CHD5: variants seen among roughly 807,000 people sequenced by gnomAD.
The protein encoded by CHD5 is chromodomain helicase DNA binding protein 5.
A neutral mutation model predicts 230.3 loss-of-function variants in CHD5; 69 were observed. The observed-to-expected ratio is 0.30, with a 90% CI of 0.25 to 0.37. CHD5 has a LOEUF of 0.37. CHD5 is among the 10% of genes least tolerant of loss of function. The probability of loss-of-function intolerance (pLI) is 1.00; values close to 1 mark genes in which losing one functional copy is unlikely to be tolerated. For synonymous variants in CHD5, 1,064 were observed against 1,065.9 expected, an observed-to-expected ratio of 1.00 and a Z score of 0.03; for missense variants, 1,827 against 2,622.8, an observed-to-expected ratio of 0.70 and a Z score of 6.63.
intron 6 of CHD5, 77 bp downstream of exon 6, chr1:6,152,335 G>A (rs777775646): frequency 1.3e-5 from 20 of 1,523,426 alleles, no homozygotes; most frequent in South Asian, 1.2e-4. Flanking sequence ...GAAGGCCCTC[G>A]CCTGGCCCTT....
At chr1:6,169,381 G>A (rs1667302262) in intron 1 of CHD5, among the ~76,000 whole-genome samples, 1 of 152,230 alleles carries the variant, frequency 6.6e-6, no homozygotes, top group South Asian at 2.1e-4. Context: ...TCGAAAGGCC[G>A]AGGGGGCCCT....
rs1667270671 is a variant in CHD5, at chr1:6,167,274, C to A, written c.207+876G>T. 6.6e-6 allele frequency among the ~76,000 whole-genome samples: 1 copy of A among 152,196 alleles called. No homozygotes were observed. ...ACAGCCCTGGATTCAGATCTCAGCA[C>A]CACCACTGTGTCACTGTGTGACCTT... On this transcript the variant is annotated intron_variant, in intron 2 of 41. Coordinates refer to ENST00000262450, the MANE Select transcript of CHD5 (RefSeq NM_015557.3). The surrounding 1 kb of genome is among the most constrained non-coding windows in gnomAD (Gnocchi z 4.5).
rs191222474 is a variant in CHD5 at position 6,121,401 on chromosome 1, G to A, written c.4779+93C>T. 1 of 1,482,228 alleles carries A rather than the reference G, an allele frequency of 6.7e-7. No homozygotes were observed. Among genetic ancestry groups the A allele is most frequent in the Admixed American group, 1.9e-5 (1 of 53,614 alleles). 91.8% of individuals were successfully genotyped at this position (1,482,228 alleles called of 1,614,324 possible). A position where few individuals can be genotyped will look rare whatever the true frequency, so the allele number is the denominator to read the frequency against. Reference sequence around the variant, plus strand: ...CCCGAAAAGGGAGCCAGGAGGCCTGGGTTCCACCTCGCTGTACAGGGCCTG... The same window carrying A: ...CCCGAAAAGGGAGCCAGGAGGCCTGAGTTCCACCTCGCTGTACAGGGCCTG... On this transcript the variant is annotated intron_variant, in intron 32 of 41. Coordinates refer to ENST00000262450, the MANE Select transcript of CHD5 (RefSeq NM_015557.3). This position sits in a 1 kb window ranked among gnomAD's most constrained non-coding sequence, Gnocchi z 4.5.
chr1:6,175,874 A>G (rs1037600872), intron 1 of CHD5, among the ~76,000 whole-genome samples: 1 of 151,912 alleles, frequency 6.6e-6, no homozygotes, highest in Non-Finnish European at 1.5e-5. Flanking sequence ...CGAATAGTGC[A>G]TGGATGAATA....
intron 2 of CHD5, among the ~76,000 whole-genome samples, chr1:6,161,560 C>T (rs147393449): frequency 5.3e-5 from 8 of 152,336 alleles, no homozygotes; most frequent in African/African-American, 1.4e-4. Flanking sequence ...CGGGTGTTTC[C>T]GGGAATACTG....
At chr1:6,112,119 C>T in intron 35 of CHD5, 21 bp downstream of exon 35, 4 of 1,610,138 alleles carry the variant, frequency 2.5e-6, no homozygotes, top group Non-Finnish European at 3.4e-6. Context: ...CAGCTCTCTG[C>T]CCAACCCCCA....
At chr1:6,115,152 A>T (rs1190495446) in intron 33 of CHD5, among the ~76,000 whole-genome samples, 1 of 151,954 alleles carries the variant, frequency 6.6e-6, no homozygotes, top group African/African-American at 2.4e-5. Flanking sequence ...CTCTACTAAA[A>T]ATACAAAAAA....
At chr1:6,117,378 T>C (rs1272070529) in intron 33 of CHD5, among the ~76,000 whole-genome samples, 1 of 152,124 alleles carries the variant, frequency 6.6e-6, no homozygotes, top group Non-Finnish European at 1.5e-5. Flanking sequence ...AGAAAATATT[T>C]GTAAATCATA....
chr1:6,171,931 T>C (rs1202219496), intron 1 of CHD5, among the ~76,000 whole-genome samples: 3 of 152,262 alleles, frequency 2.0e-5, no homozygotes. Context: ...CTCCAGGGCC[T>C]GAGGCTCCAC....
chr1:6,166,967 C>G (rs895901885), intron 2 of CHD5, among the ~76,000 whole-genome samples: 1 of 152,174 alleles, frequency 6.6e-6, no homozygotes, highest in Non-Finnish European at 1.5e-5. Context: ...GACAAGCTCC[C>G]CAAACCCACC....
In CHD5 at chr1:6,144,007, G is replaced by C; in HGVS notation, c.1934+17C>G. 2 of 1,614,104 alleles carry C rather than the reference G, an allele frequency of 1.2e-6. No homozygotes were observed. Among genetic ancestry groups the C allele is most frequent in the Admixed American group, 3.3e-5 (2 of 60,024 alleles). ...TCCCGGCAGCCTGTGCCTAGCAGCC[G>C]GATCCCTGCGACCCACCTGTGGCCC... On this transcript the variant is annotated intron_variant, in intron 12 of 41. Coordinates refer to ENST00000262450, the MANE Select transcript of CHD5 (RefSeq NM_015557.3).
chr1:6,143,488 CAG>C (rs1378076133), intron 13 of CHD5, among the ~76,000 whole-genome samples: 2 of 151,776 alleles, frequency 1.3e-5, no homozygotes, highest in Non-Finnish European at 2.9e-5. Context: ...CCCTAGAAGA[CAG>C]TGTGTCTTCT....
intron 3 of CHD5, among the ~76,000 whole-genome samples, chr1:6,158,964 G>A (rs796358321): frequency 3.4e-4 from 42 of 122,238 alleles, no homozygotes; most frequent in African/African-American, 1.1e-3. Flanking sequence ...CCGAGATCCC[G>A]CCACTGCACT....
At chr1:6,171,299 A>G (rs1667334848) in intron 1 of CHD5, among the ~76,000 whole-genome samples, 1 of 152,064 alleles carries the variant, frequency 6.6e-6, no homozygotes, top group Non-Finnish European at 1.5e-5. Context: ...CCCTCTGCCC[A>G]TGGACAGACC....
At chr1:6,164,333 G>A (rs1400550207) in intron 2 of CHD5, among the ~76,000 whole-genome samples, 1 of 152,218 alleles carries the variant, frequency 6.6e-6, no homozygotes, top group Non-Finnish European at 1.5e-5. Context: ...CCATTCACGA[G>A]TGTTATAAAC....
intron 33 of CHD5, chr1:6,113,511 A>G (rs1267659467): frequency 3.6e-5 from 9 of 247,948 alleles, no homozygotes; most frequent in Non-Finnish European, 7.5e-5. Flanking sequence ...GAAGGTGAGG[A>G]AGCAGGAGCT....
chr1:6,137,483 T>A (rs1336312381), intron 15 of CHD5, among the ~76,000 whole-genome samples: 2 of 151,982 alleles, frequency 1.3e-5, no homozygotes, highest in African/African-American at 4.8e-5. Flanking sequence ...GTGTCCTTTA[T>A]CCCCCACTCC....
At position 6,106,568 on chromosome 1, in the gene CHD5, A is replaced by AGGG. The variant is rs749918413; in HGVS notation, c.5742+45_5742+47dup. On this transcript the variant is annotated intron_variant, in intron 39 of 41. Coordinates refer to ENST00000262450, the MANE Select transcript of CHD5 (RefSeq NM_015557.3). ...CAGGCCCCCCACCCAGCCTCCACCC[A>AGGG]GGGGCACGCCAGGGGGCTCGGGCCG... The AGGG allele has an allele frequency of 1.2e-5, 18 of 1,550,842 alleles. No homozygotes were observed. The African/African-American group carries it at 2.3e-4, about 20-fold the overall frequency.
intron 6 of CHD5, among the ~76,000 whole-genome samples, chr1:6,151,566 T>C (rs1667008277): frequency 6.6e-6 from 1 of 152,242 alleles, no homozygotes; most frequent in African/African-American, 2.4e-5. Flanking sequence ...GACTGGTACA[T>C]CACGGGCTCT....
Sources: allele counts gnomAD v4.1 joint callset (sites outside exome capture counted in the v4.1 genomes callset), GRCh38; gene constraint gnomAD v4.1.1; non-coding constraint Gnocchi (gnomAD v3.1); transcripts MANE v1.5; gene names NCBI Gene and HGNC (gene_info 2026-07-23, HGNC 2026-07-21).